Variants in FANCA observed in about 807,000 individuals in gnomAD.
FANCA encodes the protein FA complementation group A.
In FANCA, 236 loss-of-function variants were observed where a neutral mutation model predicts 194.3. The observed-to-expected ratio is 1.21, with a 90% confidence interval of 1.09 to 1.35. FANCA has a LOEUF of 1.35. Among genes scored for constraint, FANCA ranks in the 40% most tolerant of loss-of-function variants. The pLI is 0.00. For missense variants in FANCA, 2,628 were observed against 1,813.9 expected, an observed-to-expected ratio of 1.45 and a Z score of -8.15; for synonymous variants, 1,014 against 715.8, an observed-to-expected ratio of 1.42 and a Z score of -6.65.
chr16:89,751,573 G>A (rs183535957), intron 31 of FANCA, among the ~76,000 whole-genome samples: 2 of 152,254 alleles, frequency 1.3e-5, no homozygotes, highest in Admixed American at 6.5e-5. Context: ...TAAGGAGTTG[G>A]GAGGCCCCAG....
rs2062089238 is a variant in FANCA at position 89,740,043 on chromosome 16, T to C, written c.3885A>G (p.Leu1295=). ...FHVCAAILEC[L]EKRKISWLAL... ...CCAGCCAGGATATCTTCCTCTTCTC[T>C]AAACACTCGAGGATTGCTGCACAAA... Residue 1295 remains leucine (L), a synonymous_variant, in exon 39 of 43, where the codon TTA becomes TTG. Coordinates refer to ENST00000389301, the MANE Select transcript of FANCA (RefSeq NM_000135.4). 1 of 1,614,060 alleles carries C rather than the reference T, an allele frequency of 6.2e-7. No homozygotes were observed. Among genetic ancestry groups the C allele is most frequent in the African/African-American group, 1.3e-5 (1 of 74,930 alleles).
rs185273831 is a variant in FANCA, at chr16:89,759,349, A to G, written c.2853-644T>C. Among the ~76,000 whole-genome samples, 121 of 139,536 alleles carry G rather than the reference A, an allele frequency of 8.7e-4. 1 individual carries two copies. Among genetic ancestry groups the G allele is most frequent in the Middle Eastern group, 3.8e-3 (1 of 262 alleles). The allele number at this position is 139,536 out of a possible 152,430, so 91.5% of individuals were successfully genotyped here. On this transcript the variant is annotated intron_variant, in intron 29 of 42. Transcript: ENST00000389301. ...AAAAAAAAAAAAAAAAAAAAAAAAA[A>G]GTAGCCTGGAAAGTCACCTGAGGGC...
chr16:89,775,021 G>T (rs1314115216), intron 21 of FANCA, among the ~76,000 whole-genome samples: 3 of 151,830 alleles, frequency 2.0e-5, no homozygotes, highest in Admixed American at 2.0e-4. Context: ...TTGAACCCAG[G>T]GGGCAGAGGT....
At chr16:89,744,485 G>A (rs1031013689) in intron 36 of FANCA, among the ~76,000 whole-genome samples, 4 of 152,082 alleles carry the variant, frequency 2.6e-5, no homozygotes, top group Admixed American at 6.6e-5. Context: ...AGGGTAGGCT[G>A]AGAATCTGCA....
At chr16:89,749,615 C>T in intron 32 of FANCA, 115 bp downstream of exon 32, 1 of 1,303,842 alleles carries the variant, frequency 7.7e-7, no homozygotes, top group Non-Finnish European at 1.1e-6. Flanking sequence ...GGGGTGGGGA[C>T]ACACAGACAA....
intron 15 of FANCA, among the ~76,000 whole-genome samples, chr16:89,784,196 G>A (rs1005373611): frequency 6.6e-6 from 1 of 151,780 alleles, no homozygotes; most frequent in African/African-American, 2.4e-5. Context: ...GACCCCATCT[G>A]TACTAAAAAA....
chr16:89,790,741 A>G (rs1438301570), intron 14 of FANCA, among the ~76,000 whole-genome samples: 1 of 142,332 alleles, frequency 7.0e-6, no homozygotes, highest in Non-Finnish European at 1.6e-5. Flanking sequence ...CTCCATCTCA[A>G]AAAAAAAAAA....
At chr16:89,786,732 G>C (rs1048992233) in intron 14 of FANCA, among the ~76,000 whole-genome samples, 1 of 152,162 alleles carries the variant, frequency 6.6e-6, no homozygotes, top group African/African-American at 2.4e-5. Flanking sequence ...ACAGAGTCAC[G>C]GAAAAACAAA....
chr16:89,749,259 C>T (rs1567603456), intron 32 of FANCA, among the ~76,000 whole-genome samples: 1 of 152,220 alleles, frequency 6.6e-6, no homozygotes, highest in Non-Finnish European at 1.5e-5. Flanking sequence ...GTTGCCCAGG[C>T]TGGTGTGCAA....
In FANCA at chr16:89,784,982, C is replaced by G. The variant is rs370259925; in HGVS notation, c.1360-18G>C. 6 of 1,593,520 alleles carry G rather than the reference C, an allele frequency of 3.8e-6. No individual in the cohort carries two copies. Among genetic ancestry groups the G allele is most frequent in the Non-Finnish European group, 5.2e-6 (6 of 1,162,704 alleles). ...AAGGAGGCCTGTGTGGAGAGAAGAG[C>G]GTGAAGCCCAGGACAGCCAGGCGCG... is the stretch of plus-strand genomic sequence containing the variant. On this transcript the variant is annotated intron_variant, in intron 14 of 42. Coordinates refer to ENST00000389301, the MANE Select transcript of FANCA (RefSeq NM_000135.4).
chr16:89,737,958 T>TCTG lies in FANCA; in HGVS notation c.*640_*642dup, dbSNP rs778989022. On this transcript the variant is annotated 3_prime_UTR_variant, in exon 43 of 43. Transcript: ENST00000389301. ...GGGCTGTGGCCCTCGCACCTTCTTATCTGCCTCTGTCCCCCAGGTGTGAGG... is the reference window on the plus strand; with the variant it reads ...GGGCTGTGGCCCTCGCACCTTCTTATCTGCTGCCTCTGTCCCCCAGGTGTGAGG... The TCTG allele has an allele frequency of 1.2e-5, 20 of 1,614,116 alleles. No individual in the cohort carries two copies. The South Asian group carries it at 2.1e-4, about 17-fold the overall frequency.
Position 89,756,984 on chromosome 16 carries a change from G to T in FANCA, c.2981+1593C>A, listed in dbSNP as rs182439361. Among the ~76,000 whole-genome samples the T allele has an allele frequency of 1.7e-3, 262 of 152,202 alleles. 1 individual carries two copies. The highest frequency in any genetic ancestry group is 6.2e-3 in the African/African-American group (258 of 41,526). Reference sequence around the variant, plus strand: ...CCGCTGGATTTATGGTGGAAGATTTGCTTTTTTGTTTTGAGATGGAGTCTC... The same window carrying T: ...CCGCTGGATTTATGGTGGAAGATTTTCTTTTTTGTTTTGAGATGGAGTCTC... On this transcript the variant is annotated intron_variant, in intron 30 of 42. Transcript: ENST00000389301.
chr16:89,773,457 C>T, intron 21 of FANCA, 73 bp from the exon 22 acceptor site: 1 of 1,091,786 alleles, frequency 9.2e-7, no homozygotes, highest in Non-Finnish European at 1.4e-6. Context: ...AGAAACTTCA[C>T]ACAGTCAAAT....
At chr16:89,791,133 G>A (rs2143523513) in intron 14 of FANCA, 2 of 469,116 alleles carry the variant, frequency 4.3e-6, no homozygotes, top group South Asian at 4.3e-5. Context: ...CGTCAACTAA[G>A]TGAGACAGAA....
Position 89,752,229 on chromosome 16 carries a change from T to C in FANCA, c.2982-7A>G, listed in dbSNP as rs768939031. The stretch of plus-strand genomic sequence containing the variant: ...GTGGTCATAACTCCTTGAGCTGAAA[T>C]GAAAATACAATAAAATCCTCCTCAG... On this transcript the variant is annotated splice_region_variant and splice_polypyrimidine_tract_variant and intron_variant, in intron 30 of 42. Transcript: ENST00000389301. 1 of 1,611,618 alleles carries C rather than the reference T, an allele frequency of 6.2e-7. No homozygotes were observed. The highest frequency in any genetic ancestry group is 1.1e-5 in the South Asian group (1 of 91,038).
intron 3 of FANCA, 102 bp downstream of exon 3, chr16:89,814,418 T>C (rs1198456305): frequency 9.6e-5 from 84 of 871,664 alleles, no homozygotes; most frequent in Non-Finnish European, 1.4e-4. Context: ...TGGAAACCCA[T>C]CGCCTGAGAA....
At chr16:89,792,987 C>A (rs1286020676) in intron 11 of FANCA, among the ~76,000 whole-genome samples, 1 of 152,152 alleles carries the variant, frequency 6.6e-6, no homozygotes, top group African/African-American at 2.4e-5. Flanking sequence ...CTACTGCTAT[C>A]TAGAAGGCAG....
intron 7 of FANCA, 73 bp from the exon 8 acceptor site, chr16:89,803,414 CCACTT>C (rs1403637508): frequency 1.5e-5 from 21 of 1,374,818 alleles, no homozygotes; most frequent in Admixed American, 6.7e-5. Context: ...CACAGACCAT[CCACTT>C]CAGAGGGGCG....
intron 30 of FANCA, among the ~76,000 whole-genome samples, chr16:89,757,079 T>C (rs2038791964): frequency 6.6e-6 from 1 of 152,124 alleles, no homozygotes; most frequent in East Asian, 1.9e-4. Flanking sequence ...CCCCGGCTCA[T>C]GCAATCCCAC....
Sources: gnomAD v4.1 joint callset for allele counts (sites outside exome capture counted in the v4.1 genomes callset) on GRCh38, gnomAD v4.1.1 for gene constraint, MANE v1.5 for transcripts, NCBI Gene and HGNC (gene_info 2026-07-23, HGNC 2026-07-21) for gene names.